Variants in SAMD3 observed in about 807,000 individuals in gnomAD.
SAMD3 encodes sterile alpha motif domain containing 3, also known as sterile alpha motif domain-containing protein 3.
A neutral mutation model predicts 58.5 loss-of-function variants in SAMD3; 63 were observed. The ratio of observed to expected loss-of-function variants is 1.08; its 90% CI spans 0.88 to 1.33. The LOEUF is 1.33. Ranked by LOEUF, SAMD3 falls within the 40% of genes most tolerant of loss-of-function variation. The pLI, the probability that SAMD3 is intolerant of heterozygous loss-of-function variation, is 0.00. For synonymous variants in SAMD3, 220 were observed against 210.3 expected, an observed-to-expected ratio of 1.05 and a Z score of -0.40; for missense variants, 604 against 608.4, an observed-to-expected ratio of 0.99 and a Z score of 0.08.
At chr6:130,143,905 A>C (rs1582693600), downstream of SAMD3, 2 of 152,608 alleles carry the variant, frequency 1.3e-5, no homozygotes, top group East Asian at 3.9e-4. Context: ...CCAAGGCGAG[A>C]AGCAGTAGCA....
At chr6:130,209,632 G>A in intron 4 of SAMD3, 24 bp from the exon 5 acceptor site, 4 of 1,468,834 alleles carry the variant, frequency 2.7e-6, no homozygotes, top group Non-Finnish European at 3.8e-6. Flanking sequence ...GGTGGGTCAG[G>A]CACTATTCAA....
chr6:130,228,694 C>T (rs1796455342), intron 2 of SAMD3, among the ~76,000 whole-genome samples: 1 of 152,222 alleles, frequency 6.6e-6, no homozygotes, highest in South Asian at 2.1e-4. Context: ...GCATGTTCCT[C>T]CTTCTTGAGT....
At chr6:130,287,148 T>C (rs4895875) in intron 2 of SAMD3, among the ~76,000 whole-genome samples, 18,402 of 152,254 alleles carry the variant, frequency 0.12, 1,534 homozygotes, top group East Asian at 0.36. Context: ...ATATATGGTA[T>C]GTACTTTGCT....
At chr6:130,314,891 G>C (rs1173004010) in intron 1 of SAMD3, among the ~76,000 whole-genome samples, 2 of 152,166 alleles carry the variant, frequency 1.3e-5, no homozygotes, top group Admixed American at 1.3e-4. Context: ...CCCTCCAGCT[G>C]CTTCTAGGAA....
chr6:130,189,310 C>A (rs1272585676), intron 5 of SAMD3, among the ~76,000 whole-genome samples: 2 of 151,930 alleles, frequency 1.3e-5, no homozygotes, highest in African/African-American at 4.8e-5. Context: ...GATCTGTATG[C>A]CATGTGAGGT....
At chr6:130,344,825 CAAAAAAAAA>C (rs56795907) in intron 1 of SAMD3, among the ~76,000 whole-genome samples, 37 of 41,102 alleles carry the variant, frequency 9.0e-4, no homozygotes, top group South Asian at 4.5e-3. Context: ...ACAACAACAG[CAAAAAAAAA>C]AAAAAAAAAA....
intron 1 of SAMD3, among the ~76,000 whole-genome samples, chr6:130,334,241 G>A (rs999473980): frequency 3.9e-5 from 6 of 152,146 alleles, no homozygotes; most frequent in Admixed American, 6.5e-5. Context: ...TGGGAAGAGA[G>A]GAGGAGGGAA....
At chr6:130,202,746 A>G (rs958581517) in intron 5 of SAMD3, among the ~76,000 whole-genome samples, 1 of 152,232 alleles carries the variant, frequency 6.6e-6, no homozygotes, top group African/African-American at 2.4e-5. Context: ...TAGAATTAGT[A>G]TGTAATATTT....
intron 2 of SAMD3, among the ~76,000 whole-genome samples, chr6:130,281,180 T>C (rs941095842): frequency 1.3e-5 from 2 of 152,226 alleles, no homozygotes; most frequent in African/African-American, 4.8e-5. Flanking sequence ...TATTTTGGAT[T>C]GTGGCTAATG....
At chr6:130,210,597 CAAA>C (rs768346534) in intron 4 of SAMD3, among the ~76,000 whole-genome samples, 7 of 113,992 alleles carry the variant, frequency 6.1e-5, no homozygotes, top group Non-Finnish European at 7.5e-5. Context: ...GAAACTCCAT[CAAA>C]AAAAAAAAAA....
intron 7 of SAMD3, among the ~76,000 whole-genome samples, chr6:130,180,542 G>A (rs1792210926): frequency 6.6e-6 from 1 of 152,134 alleles, no homozygotes; most frequent in African/African-American, 2.4e-5. Context: ...AAAAATAAAT[G>A]TGGCAAAAAA....
chr6:130,168,845 C>G (rs1790959707), intron 8 of SAMD3, among the ~76,000 whole-genome samples: 1 of 152,112 alleles, frequency 6.6e-6, no homozygotes, highest in South Asian at 2.1e-4. Flanking sequence ...CTCTGTCACC[C>G]AGGCTAGAGT....
At chr6:130,151,704 G>A (rs941761046) in intron 9 of SAMD3, among the ~76,000 whole-genome samples, 5 of 152,070 alleles carry the variant, frequency 3.3e-5, no homozygotes, top group Non-Finnish European at 7.4e-5. Flanking sequence ...GCCTCCCAAA[G>A]TGCTGGGATT....
chr6:130,271,878 C>A (rs573843173), intron 2 of SAMD3, among the ~76,000 whole-genome samples: 2 of 152,292 alleles, frequency 1.3e-5, no homozygotes, highest in Non-Finnish European at 2.9e-5. Flanking sequence ...ACCATCAGAT[C>A]TCATGAGACT....
chr6:130,254,910 T>C (rs1773873380), intron 2 of SAMD3, among the ~76,000 whole-genome samples: 1 of 152,218 alleles, frequency 6.6e-6, no homozygotes, highest in Non-Finnish European at 1.5e-5. Context: ...TTTATATCTT[T>C]CTTCTTTTTT....
At chr6:130,223,933 T>C (rs1796309280), upstream of SAMD3, among the ~76,000 whole-genome samples, 1 of 152,232 alleles carries the variant, frequency 6.6e-6, no homozygotes, top group Non-Finnish European at 1.5e-5. Flanking sequence ...GAGGGCTTTC[T>C]GTATCCCAAG....
At chr6:130,263,052 G>T (rs1774198710) in intron 2 of SAMD3, among the ~76,000 whole-genome samples, 1 of 152,080 alleles carries the variant, frequency 6.6e-6, no homozygotes, top group South Asian at 2.1e-4. Context: ...TTAAAATTAG[G>T]TTTAACATTA....
At chr6:130,204,596 C>CAAAA (rs761986238) in intron 5 of SAMD3, among the ~76,000 whole-genome samples, 13 of 138,608 alleles carry the variant, frequency 9.4e-5, no homozygotes, top group African/African-American at 3.1e-4. Context: ...GACCCTATCT[C>CAAAA]AAAAAAAGAA....
chr6:130,211,647 C>G (rs1167910458), intron 4 of SAMD3, among the ~76,000 whole-genome samples: 1 of 152,010 alleles, frequency 6.6e-6, no homozygotes, highest in Non-Finnish European at 1.5e-5. Context: ...TTGTCCTGCC[C>G]TTCCAGTTCA....
Sources: allele counts gnomAD v4.1 joint callset (sites outside exome capture counted in the v4.1 genomes callset), GRCh38; gene constraint gnomAD v4.1.1; transcripts MANE v1.5; gene names NCBI Gene and HGNC (gene_info 2026-07-23, HGNC 2026-07-21).